Variants in PPFIA1 observed in about 807,000 individuals in gnomAD.
PPFIA1 encodes liprin-alpha-1.
In PPFIA1, 25 loss-of-function variants were observed where a neutral mutation model predicts 149.9. That is an observed-to-expected ratio of 0.17 (90% CI 0.12 to 0.23). PPFIA1 has a LOEUF of 0.23. Ranked by LOEUF, PPFIA1 falls within the 10% of genes least tolerant of loss-of-function variation. The probability of loss-of-function intolerance (pLI) is 1.00; values close to 1 mark genes in which losing one functional copy is unlikely to be tolerated. For synonymous variants in PPFIA1, 549 were observed against 552.8 expected (o/e 0.99, Z 0.10); for missense variants, 1,362 against 1,506.5 (o/e 0.90, Z 1.59).
chr11:70,362,555 C>T (rs2056715591), intron 21 of PPFIA1, 67 bp downstream of exon 21: 2 of 1,460,104 alleles, frequency 1.4e-6, no homozygotes, highest in African/African-American at 1.4e-5. Flanking sequence ...TATCACTGCC[C>T]TGTTTACATT....
At chr11:70,299,460 A>G (rs957983596) in intron 2 of PPFIA1, among the ~76,000 whole-genome samples, 2 of 152,162 alleles carry the variant, frequency 1.3e-5, no homozygotes, top group Non-Finnish European at 1.5e-5. Context: ...GAAAGGTAGC[A>G]CTTGCTATCC....
rs761468787 is a variant in PPFIA1, at chr11:70,326,656, A to G, written c.768A>G (p.Gln256=). The G allele has an allele frequency of 2.5e-6, 4 of 1,614,110 alleles. No homozygotes were observed. Among genetic ancestry groups the G allele is most frequent in the East Asian group, 2.2e-5 (1 of 44,898 alleles). Residue 256 remains glutamine, a synonymous_variant, in exon 7 of 28, where the codon CAA becomes CAG. Coordinates refer to ENST00000253925, the MANE Select transcript of PPFIA1 (RefSeq NM_003626.5). ...EEDLAKVIEL[Q]EIISKQSREQ... ...ACCTTGCTAAAGTAATTGAGCTCCAAGAAATCATAAGTAAGCAGTCAAGGG... is the reference window on the plus strand; with the variant it reads ...ACCTTGCTAAAGTAATTGAGCTCCAGGAAATCATAAGTAAGCAGTCAAGGG...
chr11:70,356,302 G>A, intron 19 of PPFIA1, 48 bp downstream of exon 19: 2 of 1,424,348 alleles, frequency 1.4e-6, no homozygotes, highest in Non-Finnish European at 2.0e-6. Context: ...TTTCAGTTGT[G>A]CCTAAGCTCT....
At chr11:70,337,294 C>T (rs547591885) in intron 11 of PPFIA1, 71 bp from the exon 12 acceptor site, 10 of 1,020,690 alleles carry the variant, frequency 9.8e-6, no homozygotes, top group East Asian at 8.0e-5. Context: ...TTTTTTTAAA[C>T]GAATACAGCC....
At chr11:70,336,777 G>A (rs558892582) in intron 11 of PPFIA1, among the ~76,000 whole-genome samples, 145 of 152,314 alleles carry the variant, frequency 9.5e-4, no homozygotes, top group Middle Eastern at 3.4e-3. Context: ...GTTTGATAAA[G>A]CCTGTCCTGA....
At chr11:70,313,853 C>T (rs559935292) in intron 2 of PPFIA1, among the ~76,000 whole-genome samples, 1 of 152,064 alleles carries the variant, frequency 6.6e-6, no homozygotes, top group Admixed American at 6.6e-5. Context: ...TGACAAACCC[C>T]CATCTCTCCA....
intron 19 of PPFIA1, among the ~76,000 whole-genome samples, chr11:70,357,637 A>G (rs9704205): frequency 0.18 from 26,752 of 149,502 alleles, 3,102 homozygotes; most frequent in African/African-American, 0.32. Flanking sequence ...CCCACGCTGG[A>G]GTGCAGTGGC....
At chr11:70,344,274 G>A (rs2137141115) in intron 15 of PPFIA1, among the ~76,000 whole-genome samples, 1 of 152,330 alleles carries the variant, frequency 6.6e-6, no homozygotes, top group South Asian at 2.1e-4. Flanking sequence ...AGGCTGATCG[G>A]CCTACCTTCC....
intron 2 of PPFIA1, among the ~76,000 whole-genome samples, chr11:70,308,050 CT>C (rs1437188465): frequency 1.1e-4 from 17 of 152,132 alleles, no homozygotes; most frequent in Admixed American, 1.1e-3. Context: ...TTAGTGATGG[CT>C]TATTTATTTA....
chr11:70,339,487 T>C (rs1289446038), intron 14 of PPFIA1, among the ~76,000 whole-genome samples, 181 bp downstream of exon 14: 1 of 145,228 alleles, frequency 6.9e-6, no homozygotes, highest in East Asian at 1.9e-4. Context: ...GTTTTGTTTT[T>C]GTTTTTGTTT....
At chr11:70,278,640 A>T (rs767155148) in intron 2 of PPFIA1, among the ~76,000 whole-genome samples, 1 of 152,202 alleles carries the variant, frequency 6.6e-6, no homozygotes, top group African/African-American at 2.4e-5. Flanking sequence ...TCACAATTAA[A>T]ATCCAAACAG....
intron 2 of PPFIA1, chr11:70,278,782 A>T (rs181211778): frequency 5.8e-6 from 2 of 343,126 alleles, no homozygotes; most frequent in African/African-American, 4.4e-5. Flanking sequence ...TAAACTTCCA[A>T]CTTGCTCAAG....
At chr11:70,276,573 C>T (rs1274553019) in intron 2 of PPFIA1, among the ~76,000 whole-genome samples, 1 of 152,072 alleles carries the variant, frequency 6.6e-6, no homozygotes, top group Non-Finnish European at 1.5e-5. Flanking sequence ...TCTTTTTCTA[C>T]TCCCTAGAAG....
intron 19 of PPFIA1, among the ~76,000 whole-genome samples, chr11:70,357,732 C>G (rs61065064): frequency 4.6e-5 from 7 of 151,928 alleles, no homozygotes; most frequent in Admixed American, 4.6e-4. Flanking sequence ...GACTTACAGG[C>G]GCCCGCCACC....
At chr11:70,299,798 C>T (rs996328103) in intron 2 of PPFIA1, among the ~76,000 whole-genome samples, 5 of 152,184 alleles carry the variant, frequency 3.3e-5, no homozygotes, top group Admixed American at 6.5e-5. Flanking sequence ...TTGATGTTCT[C>T]GTCTCAGAGC....
intron 19 of PPFIA1, among the ~76,000 whole-genome samples, chr11:70,361,432 T>A (rs1188546775): frequency 1.3e-5 from 2 of 152,150 alleles, no homozygotes; most frequent in Non-Finnish European, 2.9e-5. Flanking sequence ...CTGTATTGGT[T>A]TTTTTTGTTT....
intron 19 of PPFIA1, chr11:70,358,775 C>CCTGT (rs986996809): frequency 6.6e-6 from 1 of 152,188 alleles, no homozygotes; most frequent in African/African-American, 2.4e-5. Flanking sequence ...TTTTGTAAGA[C>CCTGT]ACAGCATGGT....
intron 2 of PPFIA1, among the ~76,000 whole-genome samples, chr11:70,275,888 G>A (rs1184118011): frequency 6.6e-6 from 1 of 152,138 alleles, no homozygotes; most frequent in Non-Finnish European, 1.5e-5. Context: ...GGTGTCAAGC[G>A]ATCCTCTCAC....
intron 2 of PPFIA1, among the ~76,000 whole-genome samples, chr11:70,299,530 C>G (rs2052330795): frequency 1.3e-5 from 2 of 152,300 alleles, no homozygotes; most frequent in South Asian, 4.1e-4. Context: ...CTCGGCCCCT[C>G]CAGCAGCCTT....
Sources: allele counts gnomAD v4.1 joint callset (sites outside exome capture counted in the v4.1 genomes callset), GRCh38; gene constraint gnomAD v4.1.1; transcripts MANE v1.5; gene names NCBI Gene and HGNC (gene_info 2026-07-23, HGNC 2026-07-21).